VCL: variants seen among roughly 807,000 people sequenced by gnomAD.
VCL encodes epididymis luminal protein 114.
Under a neutral mutation model 125.7 loss-of-function variants are expected in VCL, and 47 were observed. The observed-to-expected ratio is 0.37, with a 90% confidence interval of 0.30 to 0.48. The LOEUF (loss-of-function observed/expected upper bound fraction) is 0.48. Ranked by LOEUF, VCL falls within the 20% of genes least tolerant of loss-of-function variation. The probability of loss-of-function intolerance (pLI) is 0.99; values close to 1 mark genes in which losing one functional copy is unlikely to be tolerated. For missense variants in VCL, 1,069 were observed against 1,455.5 expected, an observed-to-expected ratio of 0.73 and a Z score of 4.32; for synonymous variants, 458 against 514.6, an observed-to-expected ratio of 0.89 and a Z score of 1.49.
intron 11 of VCL, among the ~76,000 whole-genome samples, chr10:74,094,711 A>G (rs1474306242): frequency 6.6e-6 from 1 of 152,194 alleles, no homozygotes; most frequent in Non-Finnish European, 1.5e-5. Context: ...ACTTGCGCCC[A>G]GGAGTTTGAG....
At chr10:74,087,426 AG>A (rs1368488664) in intron 8 of VCL, among the ~76,000 whole-genome samples, 1 of 146,600 alleles carries the variant, frequency 6.8e-6, no homozygotes, top group African/African-American at 2.5e-5. Context: ...GCTCACTGCA[AG>A]CTCTGCCTCC....
In VCL at chr10:74,119,705, T is replaced by C. The variant is rs534064723; in HGVS notation, c.*1536T>C. 3 of 152,602 alleles carry C rather than the reference T, an allele frequency of 2.0e-5. No individual in the cohort carries two copies. The highest frequency in any genetic ancestry group is 2.0e-4 in the Admixed American group (3 of 15,300). The allele number at this position is 152,602 out of a possible 1,614,324, so 9.5% of individuals were successfully genotyped here. A position where few individuals can be genotyped will look rare whatever the true frequency, so the allele number is the denominator to read the frequency against. On this transcript the variant is annotated 3_prime_UTR_variant, in exon 22 of 22. Coordinates refer to ENST00000211998, the MANE Select transcript of VCL (RefSeq NM_014000.3). ...GTGTTAGTTCCCAACATCGAATGTG[T>C]ACAACTTAAGTTGGTCCTTTACACT...
intron 8 of VCL, among the ~76,000 whole-genome samples, chr10:74,084,184 A>G (rs1839728983): frequency 6.6e-6 from 1 of 151,234 alleles, no homozygotes; most frequent in African/African-American, 2.4e-5. Context: ...TAATTTTTGT[A>G]TTTTTAGTAG....
At chr10:74,037,449 G>A (rs921835568) in intron 1 of VCL, among the ~76,000 whole-genome samples, 2 of 152,180 alleles carry the variant, frequency 1.3e-5, no homozygotes, top group African/African-American at 2.4e-5. Flanking sequence ...GGAAGTTCTC[G>A]ACTTGTTATT....
rs1317093016 is a variant in VCL, at chr10:74,114,226, A to G, written c.2992A>G (p.Met998Val). The change falls in exon 20 of 22, where the codon ATG becomes GTG. Residue 998 changes from methionine to valine, a missense_variant. Met to Val is a conservative substitution (Grantham distance 21). Around this residue, in one of 6 missense-constraint regions of VCL, gnomAD observed 91 missense variants for 203.9 expected, o/e 0.45. Coordinates refer to ENST00000211998, the MANE Select transcript of VCL (RefSeq NM_014000.3). ...IAAAKRMALL[M>V]AEMSRLVRGG... Reference sequence around the variant, plus strand: ...AGCAGCCAAGCGCATGGCTCTGCTGATGGCTGAGATGTCTCGGCTGGTAAG... The same window carrying G: ...AGCAGCCAAGCGCATGGCTCTGCTGGTGGCTGAGATGTCTCGGCTGGTAAG... 6.2e-7 allele frequency: 1 copy of G among 1,613,866 alleles called. No homozygotes were observed. The highest frequency in any genetic ancestry group is 8.5e-7 in the Non-Finnish European group (1 of 1,180,006).
chr10:74,100,788 C>T (rs1009410815), intron 13 of VCL, among the ~76,000 whole-genome samples, 160 bp from the exon 14 acceptor site: 2 of 152,112 alleles, frequency 1.3e-5, no homozygotes, highest in Admixed American at 1.3e-4. Context: ...CCATCAAGGC[C>T]AGGATTTGGA....
intron 2 of VCL, among the ~76,000 whole-genome samples, chr10:74,064,936 G>A (rs756669539): frequency 2.6e-5 from 4 of 152,058 alleles, no homozygotes; most frequent in Non-Finnish European, 5.9e-5. Context: ...TCCTTTATAC[G>A]TAGAAGTATA....
chr10:74,102,958 C>G (rs186762820), intron 14 of VCL, among the ~76,000 whole-genome samples: 1 of 152,150 alleles, frequency 6.6e-6, no homozygotes, highest in Non-Finnish European at 1.5e-5. Context: ...CCTCCGCCTC[C>G]GGGGTTCAAG....
At chr10:74,083,621 A>G in intron 8 of VCL, 108 bp downstream of exon 8, 1 of 1,325,036 alleles carries the variant, frequency 7.5e-7, no homozygotes, top group Non-Finnish European at 1.1e-6. Flanking sequence ...TGGCTAGTAG[A>G]TAACAGAGAT....
intron 19 of VCL, among the ~76,000 whole-genome samples, chr10:74,113,115 G>GA (rs1276888049): frequency 6.6e-6 from 1 of 152,212 alleles, no homozygotes; most frequent in Admixed American, 6.5e-5. Context: ...GTTTGTGTAT[G>GA]CCTCACTGCA....
intron 1 of VCL, among the ~76,000 whole-genome samples, chr10:74,028,901 C>T (rs1027666070): frequency 3.9e-5 from 6 of 152,120 alleles, no homozygotes; most frequent in Non-Finnish European, 7.4e-5. Context: ...AGGCTGGGCA[C>T]AGTGGCTCAT....
intron 11 of VCL, among the ~76,000 whole-genome samples, chr10:74,095,137 T>C (rs982513230): frequency 1.3e-5 from 2 of 152,192 alleles, no homozygotes; most frequent in Non-Finnish European, 2.9e-5. Context: ...TAAGAAATAA[T>C]TAGAGATCTT....
intron 1 of VCL, among the ~76,000 whole-genome samples, chr10:74,025,963 G>A (rs549365511): frequency 9.2e-5 from 14 of 152,264 alleles, no homozygotes; most frequent in Non-Finnish European, 1.5e-4. Flanking sequence ...TGAAATGCAC[G>A]GAGTTTTATA....
chr10:74,059,212 C>T (rs535297843), intron 2 of VCL, among the ~76,000 whole-genome samples: 2 of 152,066 alleles, frequency 1.3e-5, no homozygotes, highest in East Asian at 1.9e-4. Context: ...AAAACTAGTT[C>T]GGCATGGTGG....
chr10:74,109,164 G>C lies in VCL; in HGVS notation c.2745+8G>C, dbSNP rs760209991. ...CGCAAATGGTCCAGCAAGGTAAGTA[G>C]TGAAGCTTTTCTTGTTGAGAAAGGA... On this transcript the variant is annotated splice_region_variant and intron_variant, in intron 18 of 21. Transcript: ENST00000211998. The C allele has an allele frequency of 6.2e-7, 1 of 1,614,068 alleles. No homozygotes were observed. The highest frequency in any genetic ancestry group is 2.2e-5 in the East Asian group (1 of 44,878).
In VCL at chr10:74,114,908, C is replaced by A; in HGVS notation, c.3258+9C>A. The A allele has an allele frequency of 6.3e-7, 1 of 1,579,290 alleles. No individual in the cohort carries two copies. The highest frequency in any genetic ancestry group is 8.6e-7 in the Non-Finnish European group (1 of 1,161,852). On this transcript the variant is annotated intron_variant, in intron 21 of 21. Transcript: ENST00000211998. ...ATGAGGAGTCTGAGCAGGTATGTGG[C>A]AGCTGTTTTTGGTTTCTGGCTGGCA...
At chr10:74,120,355 C>T (rs533653446), downstream of VCL, 5 of 152,262 alleles carry the variant, frequency 3.3e-5, no homozygotes, top group East Asian at 7.7e-4. Context: ...TACAAGACAA[C>T]CCTGGGGATT....
intron 1 of VCL, among the ~76,000 whole-genome samples, chr10:74,015,323 C>A (rs1202364164): frequency 1.3e-5 from 2 of 152,172 alleles, no homozygotes; most frequent in Non-Finnish European, 2.9e-5. Flanking sequence ...GGGGCCCAGG[C>A]GGGTGGATCG....
chr10:74,068,103 G>A (rs1841602582), intron 2 of VCL, among the ~76,000 whole-genome samples: 1 of 152,196 alleles, frequency 6.6e-6, no homozygotes, highest in Non-Finnish European at 1.5e-5. Flanking sequence ...TATAACTTCT[G>A]CAGATTGCAA....
Sources: allele counts gnomAD v4.1 joint callset (sites outside exome capture counted in the v4.1 genomes callset), GRCh38; gene constraint gnomAD v4.1.1; regional missense constraint gnomAD v4.1.1; transcripts MANE v1.5; gene names NCBI Gene and HGNC (gene_info 2026-07-23, HGNC 2026-07-21).